Variants in GPSM2 observed in about 807,000 individuals in gnomAD.
The protein encoded by GPSM2 is G protein-signaling modulator 2.
Under a neutral mutation model 78.4 loss-of-function variants are expected in GPSM2, and 58 were observed. That is an observed-to-expected ratio of 0.74 (90% CI 0.60 to 0.92). The LOEUF (loss-of-function observed/expected upper bound fraction) is 0.92. GPSM2 is among the 40% of genes least tolerant of loss of function. The probability of loss-of-function intolerance (pLI) is 0.00; values close to 1 mark genes in which losing one functional copy is unlikely to be tolerated. For missense variants in GPSM2, 700 were observed against 815.5 expected, an observed-to-expected ratio of 0.86 and a Z score of 1.73; for synonymous variants, 224 against 280.2, an observed-to-expected ratio of 0.80 and a Z score of 2.00.
At chr1:108,908,338 T>C (rs1649414907) in intron 10 of GPSM2, among the ~76,000 whole-genome samples, 1 of 147,316 alleles carries the variant, frequency 6.8e-6, no homozygotes, top group African/African-American at 2.5e-5. Context: ...TCCACTGCAC[T>C]CCAGCCTGGG....
chr1:108,902,114 T>C (rs1264473888), intron 8 of GPSM2, among the ~76,000 whole-genome samples, 169 bp downstream of exon 8: 3 of 152,180 alleles, frequency 2.0e-5, no homozygotes, highest in Non-Finnish European at 4.4e-5. Context: ...TAGTCTGTGA[T>C]AGAGGATTAG....
At chr1:108,911,143 A>G (rs1243027311) in intron 10 of GPSM2, among the ~76,000 whole-genome samples, 2 of 152,176 alleles carry the variant, frequency 1.3e-5, no homozygotes, top group African/African-American at 4.8e-5. Context: ...AAAAGAATAG[A>G]AGATTCATCA....
At chr1:108,891,783 G>A (rs981234480) in intron 2 of GPSM2, among the ~76,000 whole-genome samples, 42 of 151,606 alleles carry the variant, frequency 2.8e-4, no homozygotes, top group African/African-American at 9.9e-4. Context: ...GGGATTACAG[G>A]TATGAGCCAC....
At chr1:108,913,710 C>A (rs1392924560) in intron 10 of GPSM2, among the ~76,000 whole-genome samples, 2 of 152,044 alleles carry the variant, frequency 1.3e-5, no homozygotes, top group Admixed American at 6.6e-5. Context: ...TGTAATGTTT[C>A]TTTTTTTAAG....
chr1:108,911,428 G>A (rs1287038739), intron 10 of GPSM2, among the ~76,000 whole-genome samples: 2 of 152,162 alleles, frequency 1.3e-5, no homozygotes, highest in African/African-American at 4.8e-5. Flanking sequence ...TCAGGAGGCT[G>A]AGGTGGAAGA....
rs1484188511 is a variant in GPSM2 at position 108,923,992 on chromosome 1, G to C, written c.1601-8G>C. 6.4e-7 allele frequency: 1 copy of C among 1,568,496 alleles called. No homozygotes were observed. On this transcript the variant is annotated splice_region_variant and splice_polypyrimidine_tract_variant and intron_variant, in intron 13 of 14. Transcript: ENST00000264126. ...TTTTAATCTTTGGCTTTCTTCTTCTGTTCTTAGCATCATCTGTTCCTGTGG... is the reference window on the plus strand; with the variant it reads ...TTTTAATCTTTGGCTTTCTTCTTCTCTTCTTAGCATCATCTGTTCCTGTGG...
In GPSM2 at chr1:108,897,002, C is replaced by T; in HGVS notation, c.195C>T (p.Tyr65=). 6.2e-7 allele frequency: 1 copy of T among 1,613,936 alleles called. No homozygotes were observed. Residue 65 remains tyrosine, a synonymous_variant, in exon 3 of 15, where the codon TAC becomes TAT. Transcript: ENST00000264126. ...TEDLKTLSAI[Y]SQLGNAYFYL... Reference sequence around the variant, plus strand: ...ACCTAAAAACACTTAGCGCTATTTACAGCCAGTTGGGCAATGCTTATTTCT... The same window carrying T: ...ACCTAAAAACACTTAGCGCTATTTATAGCCAGTTGGGCAATGCTTATTTCT...
intron 8 of GPSM2, 63 bp downstream of exon 8, chr1:108,902,008 A>G: frequency 8.4e-7 from 1 of 1,184,906 alleles, no homozygotes. Context: ...GAATCCCTAG[A>G]ATTTTTCCTT....
chr1:108,893,246 C>T (rs1648102684), intron 2 of GPSM2, among the ~76,000 whole-genome samples: 4 of 152,162 alleles, frequency 2.6e-5, no homozygotes, highest in Admixed American at 2.6e-4. Flanking sequence ...TATTGGCAAA[C>T]ACTTTTATAC....
chr1:108,900,233 A>AT (rs756615139), intron 7 of GPSM2, among the ~76,000 whole-genome samples: 7,101 of 131,198 alleles, frequency 0.054, 197 homozygotes, highest in South Asian at 0.069. Context: ...TCTTCTTTAG[A>AT]TTTTTTTTTT....
intron 2 of GPSM2, 86 bp downstream of exon 2, chr1:108,885,664 G>C: frequency 1.2e-6 from 1 of 833,602 alleles, no homozygotes; most frequent in Non-Finnish European, 2.1e-6. Context: ...AGTTTCAGTT[G>C]AAAATACTCA....
chr1:108,934,476 A>T lies in GPSM2; in HGVS notation c.*4536A>T, dbSNP rs1484631225. 6 of 569,006 alleles carry T rather than the reference A, an allele frequency of 1.1e-5. No individual in the cohort carries two copies. Among genetic ancestry groups the T allele is most frequent in the Non-Finnish European group, 1.8e-5 (6 of 339,796 alleles). 35.2% of individuals were successfully genotyped at this position (569,006 alleles called of 1,614,324 possible). On this transcript the variant is annotated 3_prime_UTR_variant, in exon 15 of 15. Transcript: ENST00000264126. Reference sequence around the variant, plus strand: ...AAATATCAAAGAGAAGATGAAATGAAAAGCTTTTACATATATAACGTGTTT... The same window carrying T: ...AAATATCAAAGAGAAGATGAAATGATAAGCTTTTACATATATAACGTGTTT...
intron 10 of GPSM2, among the ~76,000 whole-genome samples, chr1:108,908,727 A>AC (rs1280445850): frequency 4.2e-4 from 63 of 150,644 alleles, no homozygotes; most frequent in African/African-American, 1.1e-3. Context: ...CTCAAAACAC[A>AC]AACACACACA....
At chr1:108,895,862 T>C (rs1040515949) in intron 2 of GPSM2, among the ~76,000 whole-genome samples, 6 of 152,208 alleles carry the variant, frequency 3.9e-5, no homozygotes, top group East Asian at 3.8e-4. Context: ...GCCAAAAAGA[T>C]TGGAGACCGT....
chr1:108,883,932 G>C (rs1276118383), intron 1 of GPSM2, among the ~76,000 whole-genome samples: 2 of 152,080 alleles, frequency 1.3e-5, no homozygotes, highest in Non-Finnish European at 2.9e-5. Flanking sequence ...GGTGGGGGCA[G>C]ACAGAGTTGC....
intron 3 of GPSM2, 68 bp from the exon 4 acceptor site, chr1:108,897,424 T>G: frequency 6.8e-7 from 1 of 1,474,868 alleles, no homozygotes; most frequent in Non-Finnish European, 9.2e-7. Context: ...CTGGCTACTT[T>G]ATATTTTAAC....
Position 108,933,935 on chromosome 1 carries a change from A to G in GPSM2, c.*3995A>G, listed in dbSNP as rs1488550018. 1 of 152,248 alleles carries G rather than the reference A, an allele frequency of 6.6e-6. No homozygotes were observed. Among genetic ancestry groups the G allele is most frequent in the East Asian group, 1.9e-4 (1 of 5,204 alleles). The allele number at this position is 152,248 out of a possible 1,614,324, so 9.4% of individuals were successfully genotyped here. A position where few individuals can be genotyped will look rare whatever the true frequency, so the allele number is the denominator to read the frequency against. ...AGTCTCCACTGCTAGGATTCTGAGT[A>G]ACACAAAAAATAGGTTTTATAAAAA... is the stretch of plus-strand genomic sequence containing the variant. On this transcript the variant is annotated 3_prime_UTR_variant, in exon 15 of 15. Transcript: ENST00000264126.
intron 10 of GPSM2, among the ~76,000 whole-genome samples, chr1:108,907,805 C>G (rs1269981573): frequency 1.3e-5 from 2 of 152,124 alleles, no homozygotes; most frequent in African/African-American, 4.8e-5. Context: ...GTAAATTTCC[C>G]AGGGTTACCT....
chr1:108,912,878 CTACTT>C (rs759971277), intron 10 of GPSM2, among the ~76,000 whole-genome samples: 2 of 108,218 alleles, frequency 1.8e-5, no homozygotes, highest in Non-Finnish European at 3.3e-5. Context: ...AACCCTGTCT[CTACTT>C]TAAAAAAAAA....
Sources: allele counts gnomAD v4.1 joint callset (sites outside exome capture counted in the v4.1 genomes callset), GRCh38; gene constraint gnomAD v4.1.1; transcripts MANE v1.5; gene names NCBI Gene and HGNC (gene_info 2026-07-23, HGNC 2026-07-21).